Variants in ATRNL1 observed in about 807,000 individuals in gnomAD.
ATRNL1 encodes attractin-like protein 1.
A neutral mutation model predicts 182.7 loss-of-function variants in ATRNL1; 95 were observed. That is an observed-to-expected ratio of 0.52 (90% CI 0.44 to 0.62). ATRNL1 has a LOEUF of 0.62. ATRNL1 is among the 20% of genes least tolerant of loss of function. ATRNL1 has a pLI of 0.00. For missense variants in ATRNL1, 1,471 were observed against 1,679.5 expected (o/e 0.88, Z 2.17); for synonymous variants, 576 against 568.3 (o/e 1.01, Z -0.19).
chr10:115,904,514 A>G (rs1471943311), intron 28 of ATRNL1, among the ~76,000 whole-genome samples: 1 of 152,146 alleles, frequency 6.6e-6, no homozygotes, highest in African/African-American at 2.4e-5. Context: ...GACAGTGTGG[A>G]TTTCCCCCTC....
At chr10:115,158,356 A>C (rs1251337448) in intron 5 of ATRNL1, among the ~76,000 whole-genome samples, 1 of 152,008 alleles carries the variant, frequency 6.6e-6, no homozygotes, top group African/African-American at 2.4e-5. Flanking sequence ...AGCTCTGCTA[A>C]AGCAGCCATA....
At chr10:115,864,520 G>A (rs1289727785) in intron 28 of ATRNL1, among the ~76,000 whole-genome samples, 3 of 152,194 alleles carry the variant, frequency 2.0e-5, no homozygotes, top group Non-Finnish European at 4.4e-5. Flanking sequence ...GGGGAAAGCA[G>A]TAAATTTGTA....
Position 115,093,915 on chromosome 10 carries a change from G to A in ATRNL1, c.165G>A (p.Ala55=), listed in dbSNP as rs782533195. The change falls in exon 1 of 29, where the codon GCG becomes GCA. Residue 55 remains alanine (A), a synonymous_variant. Transcript: ENST00000355044. This position sits in a 1 kb window ranked among gnomAD's most constrained non-coding sequence, Gnocchi z 6.1. ...GCTTCCTCTACCTGGCGCTCTACGC[G>A]CAGGTGTCCCAGTCCAAGCCGTGCG... The part of the protein sequence containing the change: ...CYGFLYLALY[A]QVSQSKPCER... The A allele has an allele frequency of 1.3e-6, 2 of 1,597,034 alleles. No individual in the cohort carries two copies. The highest frequency in any genetic ancestry group is 1.7e-6 in the Non-Finnish European group (2 of 1,173,432).
chr10:115,184,709 A>G (rs970685004), intron 8 of ATRNL1, among the ~76,000 whole-genome samples: 37 of 151,996 alleles, frequency 2.4e-4, no homozygotes, highest in African/African-American at 8.4e-4. Flanking sequence ...AATCATTTAC[A>G]TATTGAACAA....
chr10:115,462,331 C>T (rs116781020), intron 22 of ATRNL1, among the ~76,000 whole-genome samples: 1,562 of 152,072 alleles, frequency 0.01, 27 homozygotes, highest in African/African-American at 0.034. Context: ...AAATAAAACT[C>T]GTTCGGGCGC....
chr10:115,221,090 C>T (rs1849445705), intron 9 of ATRNL1, among the ~76,000 whole-genome samples: 1 of 152,188 alleles, frequency 6.6e-6, no homozygotes, highest in Non-Finnish European at 1.5e-5. Context: ...GTGCAGTTTA[C>T]AATAGGGTTT....
intron 28 of ATRNL1, among the ~76,000 whole-genome samples, chr10:115,910,142 C>A (rs1244394757): frequency 6.6e-6 from 1 of 152,038 alleles, no homozygotes; most frequent in Non-Finnish European, 1.5e-5. Context: ...CTGAGAAGGG[C>A]CATTGACATT....
intron 15 of ATRNL1, among the ~76,000 whole-genome samples, chr10:115,297,120 G>A: frequency 2.1e-5 from 1 of 48,244 alleles, no homozygotes; most frequent in Admixed American, 2.8e-4. Context: ...CCAGAGAAAT[G>A]CCTAAGTCTT....
intron 8 of ATRNL1, among the ~76,000 whole-genome samples, chr10:115,198,342 C>A (rs1357687882): frequency 6.6e-6 from 1 of 151,902 alleles, no homozygotes; most frequent in African/African-American, 2.4e-5. Flanking sequence ...TGTCCTTTGC[C>A]CATGTTTTAG....
intron 26 of ATRNL1, among the ~76,000 whole-genome samples, chr10:115,683,334 T>A (rs1946110572): frequency 1.3e-5 from 2 of 152,004 alleles, no homozygotes; most frequent in South Asian, 4.1e-4. Context: ...ATTTATATAA[T>A]TTTTATTATG....
intron 19 of ATRNL1, among the ~76,000 whole-genome samples, chr10:115,344,500 C>T (rs1279743371): frequency 6.6e-6 from 1 of 152,082 alleles, no homozygotes; most frequent in Non-Finnish European, 1.5e-5. Flanking sequence ...GTGAATGCTG[C>T]CTGGCCTGGG....
chr10:115,836,746 C>T (rs1180382373), intron 27 of ATRNL1, among the ~76,000 whole-genome samples: 1 of 152,144 alleles, frequency 6.6e-6, no homozygotes, highest in Non-Finnish European at 1.5e-5. Context: ...CAAAAGAGGT[C>T]ACATTCTGAG....
intron 28 of ATRNL1, among the ~76,000 whole-genome samples, chr10:115,902,944 G>A (rs532190354): frequency 9.8e-5 from 15 of 152,308 alleles, no homozygotes; most frequent in South Asian, 4.1e-4. Flanking sequence ...CCAGCTGTCC[G>A]TGTCAAGCTG....
At chr10:115,530,112 A>G (rs1851477225) in intron 25 of ATRNL1, among the ~76,000 whole-genome samples, 1 of 144,206 alleles carries the variant, frequency 6.9e-6, no homozygotes, top group Non-Finnish European at 1.6e-5. Context: ...AACACATTTT[A>G]TTTCTCTATT....
chr10:115,865,131 G>A (rs1443633638), intron 28 of ATRNL1, among the ~76,000 whole-genome samples: 1 of 152,018 alleles, frequency 6.6e-6, no homozygotes, highest in African/African-American at 2.4e-5. Context: ...ACATATACAC[G>A]CAATAAAATC....
chr10:115,935,804 T>C (rs951250290), intron 28 of ATRNL1, among the ~76,000 whole-genome samples: 6 of 152,226 alleles, frequency 3.9e-5, no homozygotes, highest in African/African-American at 2.4e-5. Flanking sequence ...GCAATATTAG[T>C]ATAAACAATG....
intron 27 of ATRNL1, among the ~76,000 whole-genome samples, chr10:115,795,357 C>T (rs1176641439): frequency 2.0e-5 from 3 of 152,180 alleles, no homozygotes; most frequent in East Asian, 3.9e-4. Flanking sequence ...AACTCCTTTA[C>T]CTAATTAGGT....
chr10:115,275,699 A>G (rs577961469), intron 13 of ATRNL1, among the ~76,000 whole-genome samples: 1 of 152,178 alleles, frequency 6.6e-6, no homozygotes, highest in Non-Finnish European at 1.5e-5. Context: ...GAGCTCTTCA[A>G]GGATGCCAGT....
intron 25 of ATRNL1, among the ~76,000 whole-genome samples, chr10:115,532,547 G>A (rs532463781): frequency 6.6e-6 from 1 of 151,800 alleles, no homozygotes; most frequent in African/African-American, 2.4e-5. Flanking sequence ...GGGTTTTCTA[G>A]ATATACAATC....
Sources: allele counts gnomAD v4.1 joint callset (sites outside exome capture counted in the v4.1 genomes callset), GRCh38; gene constraint gnomAD v4.1.1; non-coding constraint Gnocchi (gnomAD v3.1); transcripts MANE v1.5; gene names NCBI Gene and HGNC (gene_info 2026-07-23, HGNC 2026-07-21).